Variants in SLC14A2 observed in about 807,000 individuals in gnomAD.
The protein encoded by SLC14A2 is solute carrier family 14 member 2.
Under a neutral mutation model 104.6 loss-of-function variants are expected in SLC14A2, and 91 were observed. The observed-to-expected ratio is 0.87, with a 90% CI of 0.73 to 1.04. The LOEUF is 1.04. Ranked by LOEUF, SLC14A2 falls within the 50% of genes least tolerant of loss-of-function variation. The pLI is 0.00. For missense variants in SLC14A2, 1,189 were observed against 1,156.0 expected (o/e 1.03, Z -0.41); for synonymous variants, 476 against 466.4 (o/e 1.02, Z -0.27).
intron 1 of SLC14A2, among the ~76,000 whole-genome samples, chr18:45,312,536 G>A (rs2085089288): frequency 6.6e-6 from 1 of 152,166 alleles, no homozygotes; most frequent in Non-Finnish European, 1.5e-5. Flanking sequence ...CAAATACCAG[G>A]AAGTGTGGGG....
chr18:45,175,980 C>T, the SLC14A2 span, among the ~76,000 whole-genome samples: 6 of 152,106 alleles, frequency 3.9e-5, no homozygotes, highest in Non-Finnish European at 8.8e-5. Flanking sequence ...GGCTAATAAC[C>T]TTCTATTACT....
intron 1 of SLC14A2, among the ~76,000 whole-genome samples, chr18:45,261,450 C>T (rs2084536388): frequency 6.6e-6 from 1 of 151,394 alleles, no homozygotes; most frequent in African/African-American, 2.4e-5. Context: ...GGTACATATG[C>T]ACAATGTGCA....
intron 10 of SLC14A2, among the ~76,000 whole-genome samples, chr18:45,653,557 GC>G (rs1385622167): frequency 1.3e-5 from 2 of 152,044 alleles, no homozygotes; most frequent in Non-Finnish European, 2.9e-5. Flanking sequence ...TTTGGATTGG[GC>G]CCCCTCCCCA....
intron 10 of SLC14A2, among the ~76,000 whole-genome samples, chr18:45,657,862 A>T (rs1425915408): frequency 1.3e-5 from 2 of 152,148 alleles, no homozygotes; most frequent in African/African-American, 4.8e-5. Flanking sequence ...ACTAAATATA[A>T]CTTCACAGAA....
chr18:45,349,985 T>C (rs567083832), intron 1 of SLC14A2, among the ~76,000 whole-genome samples: 19 of 152,362 alleles, frequency 1.2e-4, no homozygotes, highest in African/African-American at 4.6e-4. Context: ...CAACTTTTTA[T>C]TGAGCTTCTA....
At chr18:45,637,407 A>G (rs2045438042) in intron 6 of SLC14A2, among the ~76,000 whole-genome samples, 1 of 152,240 alleles carries the variant, frequency 6.6e-6, no homozygotes, top group South Asian at 2.1e-4. Context: ...GATACTGATA[A>G]TACAAGACAA....
At chr18:45,533,688 C>A (rs901923516) in intron 2 of SLC14A2, among the ~76,000 whole-genome samples, 4 of 152,124 alleles carry the variant, frequency 2.6e-5, no homozygotes, top group African/African-American at 9.7e-5. Context: ...TTTTTTGTGT[C>A]TCTATTTCCT....
At chr18:45,403,863 C>T (rs1273252534) in intron 1 of SLC14A2, among the ~76,000 whole-genome samples, 1 of 152,106 alleles carries the variant, frequency 6.6e-6, no homozygotes, top group Admixed American at 6.5e-5. Flanking sequence ...TCCTCATCAC[C>T]CGTAAGATAA....
At chr18:45,558,915 A>G (rs1440374629) in intron 2 of SLC14A2, among the ~76,000 whole-genome samples, 3 of 152,038 alleles carry the variant, frequency 2.0e-5, no homozygotes, top group African/African-American at 7.2e-5. Flanking sequence ...CTCAGCCTCC[A>G]GAGTAGCTGG....
intron 2 of SLC14A2, among the ~76,000 whole-genome samples, chr18:45,625,144 C>A (rs2045238508): frequency 6.6e-6 from 1 of 152,160 alleles, no homozygotes; most frequent in African/African-American, 2.4e-5. Flanking sequence ...CCATTAGCAT[C>A]CTCGGTGGTA....
intron 1 of SLC14A2, among the ~76,000 whole-genome samples, chr18:45,470,909 T>A (rs1313444461): frequency 6.6e-6 from 1 of 152,216 alleles, no homozygotes; most frequent in Non-Finnish European, 1.5e-5. Context: ...TTCTGAATTT[T>A]TTTTAGTTTC....
chr18:45,174,711 A>G, the SLC14A2 span, among the ~76,000 whole-genome samples: 1 of 152,228 alleles, frequency 6.6e-6, no homozygotes, highest in Admixed American at 6.5e-5. Context: ...GGATCCTAGG[A>G]TGGTGCATTA....
chr18:45,527,465 T>G (rs978924946), intron 2 of SLC14A2, among the ~76,000 whole-genome samples: 1 of 152,242 alleles, frequency 6.6e-6, no homozygotes, highest in Non-Finnish European at 1.5e-5. Context: ...AGGCTTCCCT[T>G]AAAGTTAGCA....
At chr18:45,331,455 G>A (rs191540691) in intron 1 of SLC14A2, among the ~76,000 whole-genome samples, 4 of 152,240 alleles carry the variant, frequency 2.6e-5, no homozygotes, top group African/African-American at 9.6e-5. Flanking sequence ...ACTTTGGGAG[G>A]CTGAGGCAGG....
upstream of SLC14A2, among the ~76,000 whole-genome samples, chr18:45,209,931 G>C (rs997370269): frequency 1.3e-5 from 2 of 152,166 alleles, no homozygotes; most frequent in African/African-American, 4.8e-5. Context: ...TTTTCCTCTA[G>C]TTTTACAACT....
chr18:45,518,036 T>TAAC (rs1568254815), intron 2 of SLC14A2, among the ~76,000 whole-genome samples: 2 of 152,138 alleles, frequency 1.3e-5, no homozygotes, highest in African/African-American at 4.8e-5. Context: ...ATAATAATAA[T>TAAC]AACTAATAAT....
intron 1 of SLC14A2, among the ~76,000 whole-genome samples, chr18:45,306,939 C>G (rs918069648): frequency 1.5e-4 from 23 of 152,158 alleles, no homozygotes; most frequent in Middle Eastern, 3.2e-3. Context: ...CATCAGAAGA[C>G]AAACTGGAAC....
chr18:45,248,263 A>G (rs546632345), intron 1 of SLC14A2, among the ~76,000 whole-genome samples: 1 of 152,254 alleles, frequency 6.6e-6, no homozygotes, highest in African/African-American at 2.4e-5. Context: ...GAAAAAAGTC[A>G]TAGTCATTGT....
intron 18 of SLC14A2, among the ~76,000 whole-genome samples, chr18:45,675,603 T>G (rs1275211557): frequency 1.3e-5 from 2 of 150,208 alleles, no homozygotes; most frequent in African/African-American, 4.9e-5. Context: ...CAGCCTCAAC[T>G]TCCCAGGCTC....
Sources: allele counts gnomAD v4.1 joint callset (sites outside exome capture counted in the v4.1 genomes callset), GRCh38; gene constraint gnomAD v4.1.1; transcripts MANE v1.5; gene names NCBI Gene and HGNC (gene_info 2026-07-23, HGNC 2026-07-21).